Variants in FSD1L observed in about 807,000 individuals in gnomAD.
FSD1L encodes the protein FSD1-like protein.
Under a neutral mutation model 71.6 loss-of-function variants are expected in FSD1L, and 45 were observed. The ratio of observed to expected loss-of-function variants is 0.63; its 90% CI spans 0.49 to 0.81. The LOEUF (loss-of-function observed/expected upper bound fraction) is 0.81, where lower values mean the gene tolerates loss of function less well. Among genes scored for constraint, FSD1L ranks in the 30% least tolerant of loss-of-function variants. The pLI, the probability that FSD1L is intolerant of heterozygous loss-of-function variation, is 0.00. For synonymous variants in FSD1L, 197 were observed against 207.2 expected (o/e 0.95, Z 0.42); for missense variants, 561 against 618.1 (o/e 0.91, Z 0.98).
rs1170288907 is a variant in FSD1L at position 105,482,821 on chromosome 9, G to T, written c.465-1560G>T. Among the ~76,000 whole-genome samples the T allele has an allele frequency of 4.6e-5, 7 of 151,946 alleles. No homozygotes were observed. The East Asian group carries it at 1.3e-3, about 29-fold the overall frequency. On this transcript the variant is annotated intron_variant, in intron 6 of 13. Coordinates refer to ENST00000481272, the MANE Select transcript of FSD1L (RefSeq NM_001145313.3). ...ATGGTGATTGAATCAAATCTTACAG[G>T]TTTAAGGTTTAAAATTCTCTAAAAT...
intron 10 of FSD1L, chr9:105,525,565 G>A: frequency 1.2e-6 from 2 of 1,612,716 alleles, no homozygotes; most frequent in Non-Finnish European, 1.7e-6. Flanking sequence ...TAGTATATTG[G>A]GAATGAATTC....
At chr9:105,523,991 C>G in intron 10 of FSD1L, 1 of 1,597,662 alleles carries the variant, frequency 6.3e-7, no homozygotes, top group Admixed American at 1.7e-5. Context: ...GCTTTCCCAA[C>G]TTATATTGTG....
chr9:105,474,476 A>G (rs1483754333), intron 5 of FSD1L, among the ~76,000 whole-genome samples: 4 of 152,218 alleles, frequency 2.6e-5, no homozygotes, highest in Admixed American at 6.5e-5. Flanking sequence ...TATCCAGATA[A>G]TAATTTGATT....
intron 3 of FSD1L, among the ~76,000 whole-genome samples, chr9:105,465,374 A>C (rs1830988530): frequency 6.6e-6 from 1 of 152,228 alleles, no homozygotes; most frequent in South Asian, 2.1e-4. Context: ...AAAAAAATCA[A>C]ACAGGAGGGA....
At chr9:105,516,943 A>C (rs1002027336) in intron 10 of FSD1L, among the ~76,000 whole-genome samples, 1 of 152,236 alleles carries the variant, frequency 6.6e-6, no homozygotes, top group Non-Finnish European at 1.5e-5. Context: ...GGTTAGATGA[A>C]TTGCTAACTA....
chr9:105,444,163 C>T (rs188992243), upstream of FSD1L, among the ~76,000 whole-genome samples: 1 of 152,112 alleles, frequency 6.6e-6, no homozygotes, highest in Non-Finnish European at 1.5e-5. Flanking sequence ...GGAAAAAGAG[C>T]TGTGCAAGGG....
intron 7 of FSD1L, 104 bp from the exon 8 acceptor site, chr9:105,506,295 A>G: frequency 1.2e-6 from 1 of 853,622 alleles, no homozygotes; most frequent in Non-Finnish European, 1.8e-6. Context: ...GTTTAAAAGC[A>G]TAATGAAAAA....
chr9:105,530,700 A>C, intron 10 of FSD1L: 1 of 526,110 alleles, frequency 1.9e-6, no homozygotes, highest in East Asian at 3.3e-5. Context: ...TTGGGGAGGC[A>C]AACTATCAGT....
Position 105,461,523 on chromosome 9 carries a change from T to C in FSD1L, c.19T>C (p.Cys7Arg), listed in dbSNP as rs1005993593. 10 of 1,544,914 alleles carry C rather than the reference T, an allele frequency of 6.5e-6. No individual in the cohort carries two copies. The African/African-American group carries it at 8.2e-5, about 13-fold the overall frequency. Residue 7 changes from cysteine to arginine, a missense_variant, in exon 2 of 14, where the codon TGC becomes CGC. Around this residue, in one of 3 missense-constraint regions of FSD1L, gnomAD observed 410 missense variants for 413.5 expected, o/e 0.99. Coordinates refer to ENST00000481272, the MANE Select transcript of FSD1L (RefSeq NM_001145313.3). The stretch of plus-strand genomic sequence containing the variant: ...CTACTGTATTTATATTGGACAGTAC[T>C]GCTTTAAGGAGAATGAAAACGTTAC... MDSQKY[C>R]FKENENVTVD...
chr9:105,512,658 C>CT (rs1564128336), intron 9 of FSD1L, 149 bp from the exon 10 acceptor site: 5 of 421,502 alleles, frequency 1.2e-5, no homozygotes, highest in Non-Finnish European at 2.1e-5. Flanking sequence ...TTATTGAGAA[C>CT]TTTAAGTGCT....
chr9:105,506,385 T>TC lies in FSD1L; in HGVS notation c.587-14_587-13insC, dbSNP rs1564122486. On this transcript the variant is annotated splice_polypyrimidine_tract_variant and intron_variant, in intron 7 of 13. Coordinates refer to ENST00000481272, the MANE Select transcript of FSD1L (RefSeq NM_001145313.3). ...GAGGAATGAATGAGTCTTTTTTTTTTTTCTTCTTTGCAGTCCCCAAAGCTC... is the reference window on the plus strand; with the variant it reads ...GAGGAATGAATGAGTCTTTTTTTTTTCTTCTTCTTTGCAGTCCCCAAAGCTC... 3 of 1,525,656 alleles carry TC rather than the reference T, an allele frequency of 2.0e-6. No individual in the cohort carries two copies. The highest frequency in any genetic ancestry group is 2.6e-6 in the Non-Finnish European group (3 of 1,133,930). The allele number at this position is 1,525,656 out of a possible 1,614,324, so 94.5% of individuals were successfully genotyped here. A position where few individuals can be genotyped will look rare whatever the true frequency, so the allele number is the denominator to read the frequency against.
At chr9:105,520,316 C>T in intron 10 of FSD1L, 1 of 1,412,574 alleles carries the variant, frequency 7.1e-7, no homozygotes, top group South Asian at 1.2e-5. Flanking sequence ...AGCTGTCTTC[C>T]TGATGCGTAT....
chr9:105,512,789 A>T lies in FSD1L; in HGVS notation c.896-18A>T, dbSNP rs1834471227. The stretch of plus-strand genomic sequence containing the variant: ...TATGCTATATTTTAAAAATATATTT[A>T]AATATTATCTTGAATAGCACTTAAC... On this transcript the variant is annotated intron_variant, in intron 9 of 13. Coordinates refer to ENST00000481272, the MANE Select transcript of FSD1L (RefSeq NM_001145313.3). The T allele has an allele frequency of 7.3e-7, 1 of 1,362,186 alleles. No individual in the cohort carries two copies. The highest frequency in any genetic ancestry group is 9.8e-7 in the Non-Finnish European group (1 of 1,021,722). 84.4% of individuals were successfully genotyped at this position (1,362,186 alleles called of 1,614,324 possible).
At chr9:105,530,454 T>TA (rs966589594) in intron 10 of FSD1L, 4 of 567,970 alleles carry the variant, frequency 7.0e-6, no homozygotes, top group East Asian at 3.0e-5. Flanking sequence ...TGTCAATAGT[T>TA]ATGTCTGTTT....
At chr9:105,520,733 A>G in intron 10 of FSD1L, 8 of 1,613,342 alleles carry the variant, frequency 5.0e-6, no homozygotes, top group Non-Finnish European at 6.8e-6. Context: ...GATTTTCAGC[A>G]CCACAGTCTG....
At chr9:105,512,209 T>TG (rs1297293310) in intron 9 of FSD1L, among the ~76,000 whole-genome samples, 1 of 101,960 alleles carries the variant, frequency 9.8e-6, no homozygotes, top group African/African-American at 4.3e-5. Context: ...TTTTATGGTT[T>TG]TTTTTTAAAT....
chr9:105,506,772 C>T (rs913947630), intron 8 of FSD1L, among the ~76,000 whole-genome samples, 164 bp downstream of exon 8: 8 of 151,398 alleles, frequency 5.3e-5, no homozygotes, highest in African/African-American at 1.9e-4. Context: ...TCAAGGAAAC[C>T]CTTTTTTTTT....
chr9:105,451,559 G>A (rs1830004900), intron 1 of FSD1L, among the ~76,000 whole-genome samples: 1 of 152,150 alleles, frequency 6.6e-6, no homozygotes, highest in Non-Finnish European at 1.5e-5. Flanking sequence ...TAATAACCCC[G>A]GGTATGTAGG....
rs1834060620 is a variant in FSD1L, at chr9:105,506,514, T to C, written c.702T>C (p.His234=). 1.3e-6 allele frequency: 2 copies of C among 1,551,364 alleles called. No homozygotes were observed. Among genetic ancestry groups the C allele is most frequent in the South Asian group, 2.4e-5 (2 of 84,044 alleles). The change falls in exon 8 of 14, where the codon CAT becomes CAC. Residue 234 remains histidine, a synonymous_variant. Transcript: ENST00000481272. ...DNKIDHFILE[H]RKTNFDGLPR... Reference sequence around the variant, plus strand: ...AGATTGACCATTTTATACTGGAACATAGGAAGACTAATTTTGATGGACTTC... The same window carrying C: ...AGATTGACCATTTTATACTGGAACACAGGAAGACTAATTTTGATGGACTTC...
Sources: gnomAD v4.1 joint callset for allele counts (sites outside exome capture counted in the v4.1 genomes callset) on GRCh38, gnomAD v4.1.1 for gene constraint, gnomAD v4.1.1 regional missense constraint, MANE v1.5 for transcripts, NCBI Gene and HGNC (gene_info 2026-07-23, HGNC 2026-07-21) for gene names.